Variants in C10orf67 observed in about 807,000 individuals in gnomAD.
C10orf67 encodes the protein chromosome 10 open reading frame 67, also known as uncharacterized protein C10orf67, mitochondrial.
Under a neutral mutation model 35.6 loss-of-function variants are expected in C10orf67, and 60 were observed. The ratio of observed to expected loss-of-function variants is 1.68; its 90% CI spans 1.37 to 2.09. The LOEUF (loss-of-function observed/expected upper bound fraction) is 2.09, where lower values mean the gene tolerates loss of function less well. C10orf67 is among the 30% of genes most tolerant of loss of function. The probability of loss-of-function intolerance (pLI) is 0.00; values close to 1 mark genes in which losing one functional copy is unlikely to be tolerated. For synonymous variants in C10orf67, 167 were observed against 115.8 expected, an observed-to-expected ratio of 1.44 and a Z score of -2.84; for missense variants, 474 against 330.2, an observed-to-expected ratio of 1.44 and a Z score of -3.38.
intron 13 of C10orf67, among the ~76,000 whole-genome samples, chr10:23,232,998 T>C (rs1841952204): frequency 6.6e-6 from 1 of 151,998 alleles, no homozygotes; most frequent in Non-Finnish European, 1.5e-5. Flanking sequence ...CTCTAAAGAA[T>C]ATAAAAAAAT....
intron 12 of C10orf67, among the ~76,000 whole-genome samples, chr10:23,243,294 C>T (rs1228727203): frequency 6.6e-6 from 1 of 151,934 alleles, no homozygotes; most frequent in African/African-American, 2.4e-5. Context: ...GGATATGATG[C>T]CAAAAAATTA....
chr10:23,267,767 G>A (rs976386619), intron 8 of C10orf67, among the ~76,000 whole-genome samples: 7 of 151,920 alleles, frequency 4.6e-5, no homozygotes, highest in South Asian at 4.2e-4. Flanking sequence ...TTTTCCGGGC[G>A]TGGTGGTGGG....
chr10:23,321,277 G>C (rs559554030), intron 3 of C10orf67, among the ~76,000 whole-genome samples: 2 of 152,342 alleles, frequency 1.3e-5, no homozygotes, highest in East Asian at 1.9e-4. Context: ...CAATAGAAGA[G>C]AGTGCATTAA....
Position 23,273,858 on chromosome 10 carries a change from T to C in C10orf67, c.976-6604A>G, listed in dbSNP as rs146182894. 3.0e-3 allele frequency among the ~76,000 whole-genome samples: 452 copies of C among 152,304 alleles called. 2 individuals are homozygous for C. The highest frequency in any genetic ancestry group is 5.1e-3 in the Non-Finnish European group (345 of 68,026). On this transcript the variant is annotated intron_variant, in intron 8 of 15. Transcript: ENST00000636213. ...TGTTGGAAAACTTGAACTTCTGAAGTCCACGTAGTTGTTTTTACTCTGTAT... is the reference window on the plus strand; with the variant it reads ...TGTTGGAAAACTTGAACTTCTGAAGCCCACGTAGTTGTTTTTACTCTGTAT...
intron 4 of C10orf67, among the ~76,000 whole-genome samples, chr10:23,304,203 T>C (rs1844190245): frequency 6.6e-6 from 1 of 152,126 alleles, no homozygotes; most frequent in Non-Finnish European, 1.5e-5. Context: ...CAGAAGCAGG[T>C]TGGCTGACCT....
intron 13 of C10orf67, among the ~76,000 whole-genome samples, chr10:23,228,690 C>A (rs1314310585): frequency 6.6e-6 from 1 of 152,184 alleles, no homozygotes; most frequent in African/African-American, 2.4e-5. Context: ...ATCTACTCTT[C>A]TGACAAAGGG....
chr10:23,323,952 T>TATACACAC (rs1564513730), intron 2 of C10orf67, among the ~76,000 whole-genome samples: 27 of 64,646 alleles, frequency 4.2e-4, no homozygotes, highest in Non-Finnish European at 5.7e-4. Context: ...TATATATATA[T>TATACACAC]ACACACACAC....
At chr10:23,266,181 G>A (rs1842879216) in intron 10 of C10orf67, 81 bp downstream of exon 10, 1 of 397,296 alleles carries the variant, frequency 2.5e-6, no homozygotes, top group South Asian at 1.4e-4. Flanking sequence ...TAGACTGCAG[G>A]CCTCATGGAT....
chr10:23,288,564 A>T (rs1843614556), intron 7 of C10orf67, among the ~76,000 whole-genome samples: 1 of 152,214 alleles, frequency 6.6e-6, no homozygotes, highest in Admixed American at 6.5e-5. Flanking sequence ...AAACCTGCAC[A>T]TTCTGCACAT....
At chr10:23,256,080 C>A (rs936870096) in intron 10 of C10orf67, among the ~76,000 whole-genome samples, 1 of 152,168 alleles carries the variant, frequency 6.6e-6, no homozygotes, top group Non-Finnish European at 1.5e-5. Context: ...TGGCTCACTG[C>A]AGCCTCCACC....
intron 15 of C10orf67, among the ~76,000 whole-genome samples, chr10:23,215,597 A>T (rs941165632): frequency 8.5e-5 from 13 of 152,130 alleles, no homozygotes; most frequent in African/African-American, 3.1e-4. Context: ...TTATATACTA[A>T]CTTTAATCAT....
Position 23,228,215 on chromosome 10 carries a change from A to C in C10orf67, c.1435-4397T>G, listed in dbSNP as rs546292614. ...TACTACAAGGCTACAGTAACCAAAA[A>C]AGCATGGTACTGGTACCAAACCAGA... is the stretch of plus-strand genomic sequence containing the variant. On this transcript the variant is annotated intron_variant, in intron 13 of 15. Coordinates refer to ENST00000636213, the MANE Select transcript of C10orf67 (RefSeq NM_001371909.1). 3.0e-3 allele frequency among the ~76,000 whole-genome samples: 462 copies of C among 152,200 alleles called. 4 individuals carry two copies. The highest frequency in any genetic ancestry group is 0.011 in the African/African-American group (438 of 41,552).
intron 13 of C10orf67, among the ~76,000 whole-genome samples, chr10:23,232,297 A>AGTC (rs1319791977): frequency 6.6e-6 from 1 of 152,226 alleles, no homozygotes; most frequent in Non-Finnish European, 1.5e-5. Context: ...TTGACCCCAA[A>AGTC]TTAAGAGATT....
At chr10:23,228,973 T>C (rs990539832) in intron 13 of C10orf67, among the ~76,000 whole-genome samples, 3 of 152,188 alleles carry the variant, frequency 2.0e-5, no homozygotes, top group Non-Finnish European at 4.4e-5. Flanking sequence ...GGAACATTTT[T>C]ACACTGTTGG....
chr10:23,285,773 A>C (rs1401910536), intron 7 of C10orf67, among the ~76,000 whole-genome samples: 2 of 152,258 alleles, frequency 1.3e-5, no homozygotes, highest in African/African-American at 2.4e-5. Flanking sequence ...CCAAGAACTG[A>C]AATGAGTTTT....
chr10:23,272,083 A>T (rs1843043216), intron 8 of C10orf67, among the ~76,000 whole-genome samples: 1 of 151,964 alleles, frequency 6.6e-6, no homozygotes, highest in Non-Finnish European at 1.5e-5. Context: ...TGACTACCTA[A>T]TTTTTCTATT....
At chr10:23,311,225 G>C (rs1844481017) in intron 4 of C10orf67, among the ~76,000 whole-genome samples, 1 of 152,158 alleles carries the variant, frequency 6.6e-6, no homozygotes, top group African/African-American at 2.4e-5. Flanking sequence ...CCATCTTAGG[G>C]TGGCTTACTA....
rs1188668013 is a variant in C10orf67, at chr10:23,333,158, C to T, written c.231G>A (p.Lys77=). ...STRLNISDDL[K]IGFFSTDHAT... ...CATGGTCTGTGCTGAAAAAGCCAAT[C>T]TTTAAATCATCTGAAATGTTAAGTC... is the stretch of plus-strand genomic sequence containing the variant. Residue 77 remains lysine (K), a synonymous_variant, in exon 2 of 16, where the codon AAG becomes AAA. Transcript: ENST00000636213. 6.2e-7 allele frequency: 1 copy of T among 1,605,434 alleles called. No homozygotes were observed. The highest frequency in any genetic ancestry group is 1.3e-5 in the African/African-American group (1 of 74,738).
intron 13 of C10orf67, among the ~76,000 whole-genome samples, chr10:23,237,728 C>A (rs1466204224): frequency 6.6e-6 from 1 of 152,100 alleles, no homozygotes; most frequent in Non-Finnish European, 1.5e-5. Flanking sequence ...TAAGAACAGG[C>A]AAAACTAATC....
Sources: gnomAD v4.1 joint callset for allele counts (sites outside exome capture counted in the v4.1 genomes callset) on GRCh38, gnomAD v4.1.1 for gene constraint, MANE v1.5 for transcripts, NCBI Gene and HGNC (gene_info 2026-07-23, HGNC 2026-07-21) for gene names.